The following TIMM44 variants were observed in gnomAD, a reference collection of about 807,000 sequenced individuals.
The protein encoded by TIMM44 is translocase of inner mitochondrial membrane 44.
Under a neutral mutation model 63.8 loss-of-function variants are expected in TIMM44, and 37 were observed. The ratio of observed to expected loss-of-function variants is 0.58; its 90% CI spans 0.45 to 0.76. The LOEUF (loss-of-function observed/expected upper bound fraction) is 0.76, where lower values mean the gene tolerates loss of function less well. TIMM44 is among the 30% of genes least tolerant of loss of function. The pLI is 0.00. For missense variants in TIMM44, 573 were observed against 603.8 expected, an observed-to-expected ratio of 0.95 and a Z score of 0.54; for synonymous variants, 239 against 245.1, an observed-to-expected ratio of 0.98 and a Z score of 0.23.
chr19:7,931,349 C>A, intron 9 of TIMM44, 161 bp from the exon 10 acceptor site: 2 of 711,690 alleles, frequency 2.8e-6, no homozygotes, highest in South Asian at 1.5e-5. Context: ...CTGGGTGTCC[C>A]CCCCAGGCCC....
Position 7,934,990 on chromosome 19 carries a change from G to C in TIMM44, c.393+75C>G. The C allele has an allele frequency of 7.1e-7, 1 of 1,413,158 alleles. No individual in the cohort carries two copies. The highest frequency in any genetic ancestry group is 9.8e-7 in the Non-Finnish European group (1 of 1,017,496). The allele number at this position is 1,413,158 out of a possible 1,614,324, so 87.5% of individuals were successfully genotyped here. ...GCCAAGCCACCCCCACCCAGGAGCC[G>C]ACTCTTCCTCCAGCCTCCAGCGGCC... is the stretch of plus-strand genomic sequence containing the variant. On this transcript the variant is annotated intron_variant, in intron 4 of 12. Transcript: ENST00000270538. This position sits in a 1 kb window ranked among gnomAD's most constrained non-coding sequence, Gnocchi z 5.3.
Position 7,935,080 on chromosome 19 carries a change from C to G in TIMM44, c.378G>C (p.Thr126=). The change falls in exon 4 of 13, where the codon ACG becomes ACC. Residue 126 remains threonine (T), a synonymous_variant. Coordinates refer to ENST00000270538, the MANE Select transcript of TIMM44 (RefSeq NM_006351.4). ...EVLRKKLGEL[T]GTVKESLHEV... ...GAACTGTTACCTCCTTCACGGTGCC[C>G]GTCAGCTCCCCAAGCTTCTTCCGTA... The G allele has an allele frequency of 3.7e-6, 6 of 1,613,468 alleles. No homozygotes were observed. The highest frequency in any genetic ancestry group is 3.4e-6 in the Non-Finnish European group (4 of 1,179,790).
intron 2 of TIMM44, among the ~76,000 whole-genome samples, chr19:7,940,789 C>T (rs192571694): frequency 1.4e-3 from 217 of 152,166 alleles, no homozygotes; most frequent in African/African-American, 5.1e-3. Flanking sequence ...GAGGTACCCA[C>T]GGGCAGAGGT....
In TIMM44 at chr19:7,927,286, C is replaced by T; in HGVS notation, c.1260G>A (p.Leu420=). 1 of 1,611,444 alleles carries T rather than the reference C, an allele frequency of 6.2e-7. No individual in the cohort carries two copies. The highest frequency in any genetic ancestry group is 8.5e-7 in the Non-Finnish European group (1 of 1,179,958). Residue 420 remains leucine, a synonymous_variant, in exon 13 of 13, where the codon CTG becomes CTA. Transcript: ENST00000270538. ...EGDPDKVLRM[L]YVWALCRDQD... ...GGTCTCGGCAGAGCGCCCACACGTA[C>T]AGCATCCGCAGCACCTTGTCCTGCA...
At chr19:7,935,510 T>C (rs1479277749) in intron 3 of TIMM44, among the ~76,000 whole-genome samples, 1 of 152,168 alleles carries the variant, frequency 6.6e-6, no homozygotes, top group Non-Finnish European at 1.5e-5. Flanking sequence ...GGCAGTGACA[T>C]TTCTCTTACA....
Position 7,933,408 on chromosome 19 carries a change from C to T in TIMM44, c.769+77G>A, listed in dbSNP as rs1360118201. 2 of 1,320,510 alleles carry T rather than the reference C, an allele frequency of 1.5e-6. No homozygotes were observed. The highest frequency in any genetic ancestry group is 1.7e-5 in the Admixed American group (1 of 59,700). The allele number at this position is 1,320,510 out of a possible 1,614,324, so 81.8% of individuals were successfully genotyped here. On this transcript the variant is annotated intron_variant, in intron 7 of 12. Coordinates refer to ENST00000270538, the MANE Select transcript of TIMM44 (RefSeq NM_006351.4). The surrounding 1 kb of genome is among the most constrained non-coding windows in gnomAD (Gnocchi z 4.3). The stretch of plus-strand genomic sequence containing the variant: ...CTGCAAAACGGGGCTGTCTTGTGCC[C>T]AATGCAGGGGGATCACCTTGCGGTC...
intron 3 of TIMM44, 70 bp from the exon 4 acceptor site, chr19:7,935,215 G>A: frequency 7.3e-7 from 1 of 1,365,032 alleles, no homozygotes; most frequent in Non-Finnish European, 1.0e-6. Context: ...GCCGAGGCTG[G>A]AGTACAGTGG....
At chr19:7,928,368 A>C (rs560732531) in intron 10 of TIMM44, 2 of 593,548 alleles carry the variant, frequency 3.4e-6, no homozygotes, top group South Asian at 2.0e-5. Context: ...CCTGGGAACA[A>C]CACTCTATCC....
intron 8 of TIMM44, 26 bp downstream of exon 8, chr19:7,932,814 G>T (rs1984025057): frequency 1.2e-6 from 2 of 1,614,148 alleles, no homozygotes; most frequent in Admixed American, 3.3e-5. Flanking sequence ...CCACCAGCCT[G>T]CGAGGTCCAG....
Position 7,935,052 on chromosome 19 carries a change from G to A in TIMM44, c.393+13C>T, listed in dbSNP as rs374713705. The A allele has an allele frequency of 2.0e-4, 329 of 1,609,996 alleles. No homozygotes were observed. Among genetic ancestry groups the A allele is most frequent in the Non-Finnish European group, 2.2e-4 (265 of 1,178,056 alleles). On this transcript the variant is annotated intron_variant, in intron 4 of 12. Coordinates refer to ENST00000270538, the MANE Select transcript of TIMM44 (RefSeq NM_006351.4). ...ATGGCCCCAGCGGCTCCAGGCGGGC[G>A]TGGAACTGTTACCTCCTTCACGGTG...
chr19:7,928,176 G>C lies in TIMM44; in HGVS notation c.1039-10C>G. Reference sequence around the variant, plus strand: ...CCAGCTGGCTGTAAGTCTGCAATGAGAGGCCGACACGCCTGCGTGATGCCA... The same window carrying C: ...CCAGCTGGCTGTAAGTCTGCAATGACAGGCCGACACGCCTGCGTGATGCCA... On this transcript the variant is annotated splice_polypyrimidine_tract_variant and intron_variant, in intron 10 of 12. Transcript: ENST00000270538. 2 of 1,612,270 alleles carry C rather than the reference G, an allele frequency of 1.2e-6. No homozygotes were observed. The highest frequency in any genetic ancestry group is 2.2e-5 in the South Asian group (2 of 90,880).
chr19:7,937,273 A>G (rs1418014927), intron 3 of TIMM44, among the ~76,000 whole-genome samples: 1 of 152,028 alleles, frequency 6.6e-6, no homozygotes, highest in Non-Finnish European at 1.5e-5. Context: ...CATCTCATAA[A>G]ATAAAATAAA....
At position 7,934,297 on chromosome 19, in the gene TIMM44, G is replaced by A; in HGVS notation, c.394-59C>T. On this transcript the variant is annotated intron_variant, in intron 4 of 12. Transcript: ENST00000270538. This position sits in a 1 kb window ranked among gnomAD's most constrained non-coding sequence, Gnocchi z 5.3. ...ACCGGCCCTGGCGGCCGGGGGGCGG[G>A]GCAGGAGGAATGAATTCCTGCCGGA... 6.3e-7 allele frequency: 1 copy of A among 1,597,932 alleles called. No individual in the cohort carries two copies. The highest frequency in any genetic ancestry group is 8.5e-7 in the Non-Finnish European group (1 of 1,175,806).
At chr19:7,931,476 G>T (rs2032771344) in intron 9 of TIMM44, 4 of 461,620 alleles carry the variant, frequency 8.7e-6, no homozygotes, top group African/African-American at 2.0e-5. Flanking sequence ...TGGAGGAAGA[G>T]AAAGGTGGCT....
rs1019862565 is a variant in TIMM44 at position 7,943,546 on chromosome 19, T to G, written c.45+61A>C. ...GGCCAAGGGTCTGAGAAGAAAGCCT[T>G]GGTGGCCGAAGGCCCAGAAGACCCC... On this transcript the variant is annotated intron_variant, in intron 1 of 12. Coordinates refer to ENST00000270538, the MANE Select transcript of TIMM44 (RefSeq NM_006351.4). This position sits in a 1 kb window ranked among gnomAD's most constrained non-coding sequence, Gnocchi z 4.3. 27 of 1,539,346 alleles carry G rather than the reference T, an allele frequency of 1.8e-5. No individual in the cohort carries two copies. Among genetic ancestry groups the G allele is most frequent in the Middle Eastern group, 1.7e-4 (1 of 6,012 alleles).
Position 7,938,002 on chromosome 19 carries a change from A to G in TIMM44, c.312+25T>C, listed in dbSNP as rs971730007. 32 of 1,608,110 alleles carry G rather than the reference A, an allele frequency of 2.0e-5. No individual in the cohort carries two copies. The African/African-American group carries it at 3.1e-4, about 15-fold the overall frequency. ...CACTACTCTCCAGCCTGGGTGAGGG[A>G]AAAAAAAGCAGCAAAGAAACTCACG... is the stretch of plus-strand genomic sequence containing the variant. On this transcript the variant is annotated intron_variant, in intron 3 of 12. Coordinates refer to ENST00000270538, the MANE Select transcript of TIMM44 (RefSeq NM_006351.4).
In TIMM44 at chr19:7,943,647, G is replaced by T; in HGVS notation, c.5C>A (p.Ala2Glu). 1 of 1,566,074 alleles carries T rather than the reference G, an allele frequency of 6.4e-7. No individual in the cohort carries two copies. The highest frequency in any genetic ancestry group is 8.6e-7 in the Non-Finnish European group (1 of 1,162,794). Residue 2 changes from alanine (A) to glutamate (E), a missense_variant, in exon 1 of 13, where the codon GCG (alanine) becomes GAG (glutamate). By Grantham distance (107) the Ala-to-Glu change is moderately radical. Transcript: ENST00000270538. The surrounding 1 kb of genome is among the most constrained non-coding windows in gnomAD (Gnocchi z 4.3). MAAAALRSGWCR... is the reference protein window; with the variant it reads MEAAALRSGWCR... ...CCAGCCACTCCGCAGGGCCGCCGCC[G>T]CCATGTTGGAGAATCGTGTGACCTT...
In TIMM44 at chr19:7,934,296, G is replaced by A; in HGVS notation, c.394-58C>T. ...CACCGGCCCTGGCGGCCGGGGGGCG[G>A]GGCAGGAGGAATGAATTCCTGCCGG... is the stretch of plus-strand genomic sequence containing the variant. On this transcript the variant is annotated intron_variant, in intron 4 of 12. Coordinates refer to ENST00000270538, the MANE Select transcript of TIMM44 (RefSeq NM_006351.4). This position sits in a 1 kb window ranked among gnomAD's most constrained non-coding sequence, Gnocchi z 5.3. 1 of 1,598,354 alleles carries A rather than the reference G, an allele frequency of 6.3e-7. No individual in the cohort carries two copies. Among genetic ancestry groups the A allele is most frequent in the Admixed American group, 1.7e-5 (1 of 59,990 alleles).
rs76662422 is a variant in TIMM44, at chr19:7,926,838, C to A, written c.*349G>T. The stretch of plus-strand genomic sequence containing the variant: ...GGCTTGGCTGACGTGGCTAGCGGGC[C>A]ACTGAGCCGCGGGTCCCGGGTCCCA... On this transcript the variant is annotated 3_prime_UTR_variant, in exon 13 of 13. Coordinates refer to ENST00000270538, the MANE Select transcript of TIMM44 (RefSeq NM_006351.4). 10,120 of 355,868 alleles carry A rather than the reference C, an allele frequency of 0.028. 202 individuals are homozygous for A. Among genetic ancestry groups the A allele is most frequent in the Non-Finnish European group, 0.041 (7,552 of 185,482 alleles). The allele number at this position is 355,868 out of a possible 1,614,324, so 22.0% of individuals were successfully genotyped here.
Sources: gnomAD v4.1 joint callset for allele counts (sites outside exome capture counted in the v4.1 genomes callset) on GRCh38, gnomAD v4.1.1 for gene constraint, Gnocchi (gnomAD v3.1) non-coding constraint, MANE v1.5 for transcripts, NCBI Gene and HGNC (gene_info 2026-07-23, HGNC 2026-07-21) for gene names.